Variants in LYZL1 observed in about 807,000 individuals in gnomAD.
LYZL1 encodes lysozyme like 1.
LYZL1 carries 16 observed loss-of-function variants against 17.9 expected under a neutral mutation model. That is an observed-to-expected ratio of 0.90 (90% CI 0.61 to 1.36). The LOEUF (loss-of-function observed/expected upper bound fraction) is 1.36. Ranked by LOEUF, LYZL1 falls within the 40% of genes most tolerant of loss-of-function variation. The probability of loss-of-function intolerance (pLI) is 0.00; values close to 1 mark genes in which losing one functional copy is unlikely to be tolerated. For missense variants in LYZL1, 149 were observed against 188.4 expected (o/e 0.79, Z 1.22); for synonymous variants, 58 against 71.8 (o/e 0.81, Z 0.97).
intron 3 of LYZL1, among the ~76,000 whole-genome samples, chr10:29,303,950 G>A (rs966379702): frequency 1.3e-5 from 2 of 152,074 alleles, no homozygotes; most frequent in Admixed American, 6.6e-5. Context: ...GGTAGAGAAG[G>A]GGGTCTCGCC....
chr10:29,310,876 A>C (rs1835661793), intron 4 of LYZL1, 114 bp from the exon 5 acceptor site: 1 of 1,530,562 alleles, frequency 6.5e-7, no homozygotes, highest in Admixed American at 1.8e-5. Context: ...AAGCAAATGA[A>C]ACCCAACCCA....
At chr10:29,308,071 G>A (rs1032369343) in intron 3 of LYZL1, among the ~76,000 whole-genome samples, 4 of 152,178 alleles carry the variant, frequency 2.6e-5, no homozygotes, top group South Asian at 2.1e-4. Flanking sequence ...AAGCAGAAAT[G>A]AGATCAAGTG....
In LYZL1 at chr10:29,292,079, CTCCCTGCTGTGTCT is replaced by C; in HGVS notation, c.139+78_139+91del. 2.6e-6 allele frequency: 4 copies of C among 1,538,226 alleles called. No homozygotes were observed. In the South Asian group the frequency reaches 5.0e-5, roughly 19 times the overall value. ...TGAGATGTTGAAGGTCCTGGCCACACTCCCTGCTGTGTCTTCCCAACTACCCCTGCTCTGCCCTC... is the reference window on the plus strand; with the variant it reads ...TGAGATGTTGAAGGTCCTGGCCACACTCCCAACTACCCCTGCTCTGCCCTC... On this transcript the variant is annotated intron_variant, in intron 2 of 4. Transcript: ENST00000649382.
intron 3 of LYZL1, among the ~76,000 whole-genome samples, chr10:29,316,815 C>G (rs1269508289): frequency 6.6e-6 from 1 of 151,242 alleles, no homozygotes; most frequent in Non-Finnish European, 1.5e-5. Context: ...CTTTCAGGCT[C>G]AAGTGAGCCT....
chr10:29,316,534 G>A (rs1436223901), intron 3 of LYZL1, among the ~76,000 whole-genome samples: 1 of 152,102 alleles, frequency 6.6e-6, no homozygotes. Flanking sequence ...GTTTTGAATG[G>A]AGACATTGTT....
chr10:29,317,810 G>A (rs535550664), intron 4 of LYZL1, among the ~76,000 whole-genome samples: 1 of 152,268 alleles, frequency 6.6e-6, no homozygotes, highest in Non-Finnish European at 1.5e-5. Context: ...TGGGGATGGT[G>A]GCACACACCT....
At chr10:29,309,023 T>A (rs948115886) in intron 3 of LYZL1, among the ~76,000 whole-genome samples, 2 of 151,588 alleles carry the variant, frequency 1.3e-5, no homozygotes, top group Non-Finnish European at 2.9e-5. Flanking sequence ...AACTTAAAAC[T>A]TTTTGCATAT....
rs181835959 is a variant in LYZL1, at chr10:29,298,952, A to G, written c.298+6275A>G. Among the ~76,000 whole-genome samples, 835 of 152,190 alleles carry G rather than the reference A, an allele frequency of 5.5e-3. 4 individuals are homozygous for G. Among genetic ancestry groups the G allele is most frequent in the Non-Finnish European group, 9.4e-3 (642 of 68,004 alleles). The stretch of plus-strand genomic sequence containing the variant: ...GTAATATATAAGAAATAATTATACA[A>G]CTCACCATAATGTAGAATCAGTGGG... On this transcript the variant is annotated intron_variant, in intron 3 of 4. Transcript: ENST00000649382.
intron 1 of LYZL1, among the ~76,000 whole-genome samples, chr10:29,291,537 T>C (rs1461587048): frequency 6.8e-6 from 1 of 146,564 alleles, no homozygotes; most frequent in African/African-American, 2.5e-5. Context: ...AGAATTAAAA[T>C]AGAAATCCTA....
intron 3 of LYZL1, among the ~76,000 whole-genome samples, chr10:29,302,320 A>T (rs1259227131): frequency 6.6e-6 from 1 of 152,244 alleles, no homozygotes; most frequent in Non-Finnish European, 1.5e-5. Context: ...TTGAAAAAGA[A>T]AAAGAATATT....
chr10:29,299,349 T>C (rs1019791423), intron 3 of LYZL1, among the ~76,000 whole-genome samples: 4 of 152,150 alleles, frequency 2.6e-5, no homozygotes, highest in Admixed American at 1.3e-4. Flanking sequence ...AATATGTCTT[T>C]AATCTTGTTT....
intron 3 of LYZL1, among the ~76,000 whole-genome samples, chr10:29,302,189 T>A (rs1835528297): frequency 6.6e-6 from 1 of 152,362 alleles, no homozygotes; most frequent in Non-Finnish European, 1.5e-5. Context: ...TCATTTTTTA[T>A]TGAATACATA....
Position 29,310,193 on chromosome 10 carries a change from G to C in LYZL1, c.377+5G>C. The stretch of plus-strand genomic sequence containing the variant: ...GACACAAGGAATGAACTATTGGTAA[G>C]AGTGTTTTCTTGGGAGACTTGTGCT... On this transcript the variant is annotated splice_donor_5th_base_variant and intron_variant, in intron 4 of 4. Transcript: ENST00000649382. 1 of 1,597,774 alleles carries C rather than the reference G, an allele frequency of 6.3e-7. No homozygotes were observed. The highest frequency in any genetic ancestry group is 8.6e-7 in the Non-Finnish European group (1 of 1,165,792).
chr10:29,306,409 GCGT>G (rs1394563107), intron 3 of LYZL1, among the ~76,000 whole-genome samples: 14 of 147,236 alleles, frequency 9.5e-5, no homozygotes, highest in African/African-American at 2.8e-4. Context: ...AATTAGCCGG[GCGT>G]AGTGGCGGGC....
At chr10:29,316,491 C>T (rs140927428) in intron 3 of LYZL1, among the ~76,000 whole-genome samples, 2,580 of 152,290 alleles carry the variant, frequency 0.017, 33 homozygotes, top group Middle Eastern at 0.058. Context: ...CCACTGGGGC[C>T]TCCTCACTGA....
intron 1 of LYZL1, among the ~76,000 whole-genome samples, chr10:29,290,820 C>T (rs1446088059): frequency 6.6e-6 from 1 of 151,462 alleles, no homozygotes; most frequent in African/African-American, 2.4e-5. Context: ...GCCTGGACAA[C>T]AGAGTGAGAT....
downstream of LYZL1, chr10:29,311,358 C>T: frequency 1.4e-6 from 1 of 694,888 alleles, no homozygotes. Context: ...TTTCTGTGGC[C>T]CTGAAACTGC....
chr10:29,311,504 T>A (rs1191017352), downstream of LYZL1, among the ~76,000 whole-genome samples: 1 of 152,248 alleles, frequency 6.6e-6, no homozygotes, highest in East Asian at 1.9e-4. Flanking sequence ...GGACCGTCTA[T>A]GCATGCCCAC....
At chr10:29,294,865 A>C (rs913117006) in intron 3 of LYZL1, among the ~76,000 whole-genome samples, 1 of 152,198 alleles carries the variant, frequency 6.6e-6, no homozygotes, top group African/African-American at 2.4e-5. Flanking sequence ...GACAAAGTGT[A>C]AGTTATAAAT....
Sources: gnomAD v4.1 joint callset for allele counts (sites outside exome capture counted in the v4.1 genomes callset) on GRCh38, gnomAD v4.1.1 for gene constraint, MANE v1.5 for transcripts, NCBI Gene and HGNC (gene_info 2026-07-23, HGNC 2026-07-21) for gene names.